COX7B2: variants seen among roughly 807,000 people sequenced by gnomAD.
COX7B2 encodes cytochrome c oxidase subunit 7B2.
For synonymous variants in COX7B2, 37 were observed against 32.1 expected (o/e 1.15, Z -0.51); for missense variants, 109 against 95.9 (o/e 1.14, Z -0.57).
At chr4:46,867,386 C>G (rs571863557) in intron 1 of COX7B2, among the ~76,000 whole-genome samples, 2 of 152,324 alleles carry the variant, frequency 1.3e-5, no homozygotes, top group East Asian at 3.9e-4. Flanking sequence ...AATCAAGAAA[C>G]TGGCTGGAAC....
intron 2 of COX7B2, among the ~76,000 whole-genome samples, chr4:46,752,778 C>T (rs185441820): frequency 6.6e-6 from 1 of 152,050 alleles, no homozygotes; most frequent in Non-Finnish European, 1.5e-5. Flanking sequence ...CCCACTTGAT[C>T]GTGGTCAATA....
intron 1 of COX7B2, among the ~76,000 whole-genome samples, chr4:46,873,915 G>T (rs537530888): frequency 6.6e-6 from 1 of 152,206 alleles, no homozygotes; most frequent in South Asian, 2.1e-4. Context: ...GTGAGAACAT[G>T]CAGTGTTTTT....
chr4:46,776,879 G>A (rs1717182436), intron 2 of COX7B2, among the ~76,000 whole-genome samples: 1 of 152,132 alleles, frequency 6.6e-6, no homozygotes, highest in Admixed American at 6.6e-5. Context: ...ACACCAGCTA[G>A]TTTAAAGTTA....
At position 46,895,122 on chromosome 4, in the gene COX7B2, C is replaced by T. The variant is rs143221005; in HGVS notation, c.-105+14038G>A. Among the ~76,000 whole-genome samples, 263 of 152,274 alleles carry T rather than the reference C, an allele frequency of 1.7e-3. 3 individuals carry two copies. Among genetic ancestry groups the T allele is most frequent in the African/African-American group, 6.1e-3 (253 of 41,548 alleles). ...AAAACAGAACTAACATTTGACCCAGCACTCCCGTTATTGGGTATATACCCA... is the reference window on the plus strand; with the variant it reads ...AAAACAGAACTAACATTTGACCCAGTACTCCCGTTATTGGGTATATACCCA... On this transcript the variant is annotated intron_variant, in intron 1 of 2. Coordinates refer to ENST00000355591, the MANE Select transcript of COX7B2 (RefSeq NM_130902.3).
intron 2 of COX7B2, among the ~76,000 whole-genome samples, chr4:46,757,221 T>C (rs1222451227): frequency 6.6e-6 from 1 of 151,366 alleles, no homozygotes; most frequent in African/African-American, 2.4e-5. Context: ...GAAAATCAAA[T>C]ATTATATGTT....
At chr4:46,802,536 AATT>A (rs1355243414) in intron 2 of COX7B2, among the ~76,000 whole-genome samples, 1 of 152,104 alleles carries the variant, frequency 6.6e-6, no homozygotes, top group African/African-American at 2.4e-5. Context: ...ATAAAGCTCT[AATT>A]ATAAGTCAGA....
intron 1 of COX7B2, among the ~76,000 whole-genome samples, chr4:46,896,706 T>C (rs771242994): frequency 9.9e-5 from 15 of 152,198 alleles, no homozygotes; most frequent in South Asian, 8.3e-4. Context: ...ACACACCTCA[T>C]ACACAGTTTT....
chr4:46,754,017 C>T (rs1199389791), intron 2 of COX7B2, among the ~76,000 whole-genome samples: 3 of 152,142 alleles, frequency 2.0e-5, no homozygotes, highest in Non-Finnish European at 4.4e-5. Flanking sequence ...AATCAGACAC[C>T]ATTTCACACC....
intron 2 of COX7B2, among the ~76,000 whole-genome samples, chr4:46,737,938 A>G (rs1407722928): frequency 6.6e-6 from 1 of 152,186 alleles, no homozygotes; most frequent in African/African-American, 2.4e-5. Flanking sequence ...AAACAGGGCA[A>G]CCAGAGCCAA....
chr4:46,900,592 G>C (rs1280328755), intron 1 of COX7B2, among the ~76,000 whole-genome samples: 1 of 152,130 alleles, frequency 6.6e-6, no homozygotes, highest in Non-Finnish European at 1.5e-5. Context: ...ATACTGCTAT[G>C]ATTTGAATGT....
At chr4:46,794,231 A>G (rs1718203871) in intron 2 of COX7B2, among the ~76,000 whole-genome samples, 1 of 152,206 alleles carries the variant, frequency 6.6e-6, no homozygotes, top group Non-Finnish European at 1.5e-5. Flanking sequence ...ATAACGGTGG[A>G]AGAAACAAGT....
intron 1 of COX7B2, among the ~76,000 whole-genome samples, chr4:46,883,462 A>T (rs1718876342): frequency 6.6e-6 from 1 of 152,018 alleles, no homozygotes; most frequent in South Asian, 2.1e-4. Context: ...TTGGCTGGGC[A>T]TGGTGGCTCA....
chr4:46,869,398 T>C (rs1008789247), intron 1 of COX7B2, among the ~76,000 whole-genome samples: 3 of 152,190 alleles, frequency 2.0e-5, no homozygotes, highest in Admixed American at 6.5e-5. Context: ...ATGTGTGGGT[T>C]TGATCTTATC....
chr4:46,735,311 C>G, intron 2 of COX7B2, 70 bp from the exon 3 acceptor site: 1 of 1,138,004 alleles, frequency 8.8e-7, no homozygotes, highest in Non-Finnish European at 1.3e-6. Context: ...GAATGTCTGG[C>G]TACATCACCC....
chr4:46,749,850 T>C (rs1715245416), intron 2 of COX7B2, among the ~76,000 whole-genome samples: 1 of 152,196 alleles, frequency 6.6e-6, no homozygotes, highest in African/African-American at 2.4e-5. Context: ...CTGGGAATAA[T>C]AATTCAGATC....
At chr4:46,846,501 A>G (rs1457943315) in intron 1 of COX7B2, among the ~76,000 whole-genome samples, 1 of 152,002 alleles carries the variant, frequency 6.6e-6, no homozygotes, top group Non-Finnish European at 1.5e-5. Context: ...TGTTTCACAT[A>G]TCAAAGGCCA....
intron 1 of COX7B2, among the ~76,000 whole-genome samples, chr4:46,883,320 G>T (rs940970911): frequency 6.6e-6 from 1 of 151,550 alleles, no homozygotes; most frequent in Non-Finnish European, 1.5e-5. Flanking sequence ...AGTCATGATT[G>T]TCTGGCTTAA....
intron 2 of COX7B2, among the ~76,000 whole-genome samples, chr4:46,829,267 AAT>A (rs914446644): frequency 6.6e-6 from 1 of 152,224 alleles, no homozygotes; most frequent in African/African-American, 2.4e-5. Flanking sequence ...ATTATAAAGT[AAT>A]AGTCTCTCAT....
intron 2 of COX7B2, among the ~76,000 whole-genome samples, chr4:46,789,018 G>A (rs1717898186): frequency 6.6e-6 from 1 of 152,076 alleles, no homozygotes; most frequent in South Asian, 2.1e-4. Flanking sequence ...GTCAACCCTG[G>A]TGTATTTAAA....
Sources: allele counts gnomAD v4.1 joint callset (sites outside exome capture counted in the v4.1 genomes callset), GRCh38; gene constraint gnomAD v4.1.1; transcripts MANE v1.5; gene names NCBI Gene and HGNC (gene_info 2026-07-23, HGNC 2026-07-21).